The following ZNF114 variants were observed in gnomAD, a reference collection of about 807,000 sequenced individuals.
ZNF114 encodes zinc finger protein 114, also known as zinc finger protein 114 (Y18).
Under a neutral mutation model 6.8 loss-of-function variants are expected in ZNF114, and 8 were observed. The observed-to-expected ratio is 1.18, with a 90% confidence interval of 0.69 to 2.13. The LOEUF (loss-of-function observed/expected upper bound fraction) is 2.13, where lower values mean the gene tolerates loss of function less well. ZNF114 is among the 30% of genes most tolerant of loss of function. ZNF114 has a pLI of 0.00. For missense variants in ZNF114, 472 were observed against 519.5 expected, an observed-to-expected ratio of 0.91 and a Z score of 0.89; for synonymous variants, 169 against 185.5, an observed-to-expected ratio of 0.91 and a Z score of 0.72.
At chr19:48,274,663 T>G (rs1012130318) in intron 3 of ZNF114, among the ~76,000 whole-genome samples, 7 of 151,814 alleles carry the variant, frequency 4.6e-5, no homozygotes, top group African/African-American at 1.7e-4. Flanking sequence ...TGTGCCACCA[T>G]GCCGGGCTAA....
chr19:48,272,194 T>C (rs1287828802), intron 3 of ZNF114, among the ~76,000 whole-genome samples: 1 of 152,042 alleles, frequency 6.6e-6, no homozygotes. Context: ...GCGGATCACC[T>C]GAGGTCAGGA....
At chr19:48,283,298 A>G (rs1277962925) in intron 5 of ZNF114, among the ~76,000 whole-genome samples, 1 of 152,178 alleles carries the variant, frequency 6.6e-6, no homozygotes, top group Non-Finnish European at 1.5e-5. Flanking sequence ...GTTTTAGTGC[A>G]TTGATGAGAA....
At chr19:48,272,940 C>A (rs1967712900) in intron 3 of ZNF114, among the ~76,000 whole-genome samples, 1 of 151,788 alleles carries the variant, frequency 6.6e-6, no homozygotes, top group African/African-American at 2.4e-5. Flanking sequence ...GGACTACAGG[C>A]GCCCGCCACC....
chr19:48,282,261 C>A, intron 4 of ZNF114, 110 bp from the exon 5 acceptor site: 1 of 1,423,544 alleles, frequency 7.0e-7, no homozygotes. Context: ...GTCACCTTTG[C>A]AGGTACCAAG....
chr19:48,280,293 A>G (rs1295840480), intron 4 of ZNF114, among the ~76,000 whole-genome samples: 2 of 152,148 alleles, frequency 1.3e-5, no homozygotes, highest in Non-Finnish European at 2.9e-5. Flanking sequence ...CTGAGGTGAG[A>G]GAATCGCTTG....
chr19:48,280,078 AGAAAGGAGCT>A (rs1161306399), intron 4 of ZNF114, among the ~76,000 whole-genome samples: 1 of 152,176 alleles, frequency 6.6e-6, no homozygotes, highest in Non-Finnish European at 1.5e-5. Flanking sequence ...AAGCACACTA[AGAAAGGAGCT>A]GAAAGTGTCT....
intron 3 of ZNF114, among the ~76,000 whole-genome samples, chr19:48,277,639 C>T (rs1352102690): frequency 6.6e-6 from 1 of 152,176 alleles, no homozygotes; most frequent in Non-Finnish European, 1.5e-5. Context: ...CCTCCTAACG[C>T]GGTCTAGGGC....
In ZNF114 at chr19:48,282,516, T is replaced by A; in HGVS notation, c.136+19T>A. ...TTCATAGGTAAGGAGGCCCCCTTCC[T>A]GCACTTAGTCCGTGATGGGACCAGT... is the stretch of plus-strand genomic sequence containing the variant. On this transcript the variant is annotated intron_variant, in intron 5 of 5. Transcript: ENST00000595607. 6 of 1,602,174 alleles carry A rather than the reference T, an allele frequency of 3.7e-6. No individual in the cohort carries two copies. The highest frequency in any genetic ancestry group is 4.3e-6 in the Non-Finnish European group (5 of 1,171,460).
intron 5 of ZNF114, among the ~76,000 whole-genome samples, chr19:48,282,996 G>A (rs1234229666): frequency 2.0e-5 from 3 of 151,604 alleles, no homozygotes; most frequent in Non-Finnish European, 1.5e-5. Flanking sequence ...GATTACAGGC[G>A]TGAGCCACCA....
intron 3 of ZNF114, among the ~76,000 whole-genome samples, chr19:48,277,794 G>GGTGGGTGTGTGTGTGTGT (rs1555876488): frequency 1.9e-4 from 23 of 119,408 alleles, no homozygotes; most frequent in African/African-American, 6.5e-4. Flanking sequence ...GGAGGCATTG[G>GGTGGGTGTGTGTGTGTGT]GTGTGTGTGT....
Position 48,286,251 on chromosome 19 carries a change from T to C in ZNF114, c.627T>C (p.His209=), listed in dbSNP as rs1968125445. 4.3e-6 allele frequency: 7 copies of C among 1,614,014 alleles called. No individual in the cohort carries two copies. Among genetic ancestry groups the C allele is most frequent in the African/African-American group, 2.7e-5 (2 of 74,886 alleles). ...CTGGCAGTCAGAACACTGTGCATCA[T>C]ATACGTGATGAAATTGATACGGGGG... ...TWTGSQNTVH[H]IRDEIDTGAN... Residue 209 remains histidine (H), a synonymous_variant, in exon 6 of 6, where the codon CAT becomes CAC. Transcript: ENST00000595607.
At chr19:48,273,532 A>G (rs868348483) in intron 3 of ZNF114, among the ~76,000 whole-genome samples, 2 of 151,566 alleles carry the variant, frequency 1.3e-5, no homozygotes, top group African/African-American at 4.8e-5. Context: ...ATTCAGGGAA[A>G]CTTAAATTGA....
chr19:48,280,998 C>T (rs1600843277), intron 4 of ZNF114, among the ~76,000 whole-genome samples: 1 of 152,204 alleles, frequency 6.6e-6, no homozygotes, highest in East Asian at 1.9e-4. Context: ...TGAGACAGGG[C>T]CACAGGTGAT....
At chr19:48,275,162 AAG>A (rs1280700266) in intron 3 of ZNF114, among the ~76,000 whole-genome samples, 1 of 146,006 alleles carries the variant, frequency 6.8e-6, no homozygotes, top group Non-Finnish European at 1.5e-5. Context: ...GAAAGAGAGA[AAG>A]AGAGAGAGGA....
chr19:48,285,689 T>G (rs965840757), intron 5 of ZNF114, 72 bp from the exon 6 acceptor site: 1 of 1,475,062 alleles, frequency 6.8e-7, no homozygotes. Context: ...ACACGGAGAT[T>G]GCCTATGTCA....
intron 3 of ZNF114, among the ~76,000 whole-genome samples, chr19:48,277,797 GTGTGT>G (rs781617933): frequency 0.026 from 3,401 of 132,956 alleles, 168 homozygotes; most frequent in East Asian, 0.21. Flanking sequence ...GGCATTGGGT[GTGTGT>G]GTGTGTGTGT....
intron 3 of ZNF114, among the ~76,000 whole-genome samples, chr19:48,273,793 T>C (rs755911873): frequency 2.0e-5 from 3 of 147,252 alleles, no homozygotes; most frequent in Admixed American, 7.0e-5. Context: ...AGTCTCGCTC[T>C]GTCGCCCAGG....
chr19:48,287,007 ATGTG>A lies in ZNF114; in HGVS notation c.*130_*133del. On this transcript the variant is annotated 3_prime_UTR_variant, in exon 6 of 6. Transcript: ENST00000595607. Reference sequence around the variant, plus strand: ...CCCTGAACTCTCGTATCTTACAGAAATGTGAAAAAAAACCCTGTGAAGGTAAAGT... The same window carrying A: ...CCCTGAACTCTCGTATCTTACAGAAAAAAAAAAACCCTGTGAAGGTAAAGT... 3.0e-6 allele frequency: 3 copies of A among 1,007,230 alleles called. No homozygotes were observed. Among genetic ancestry groups the A allele is most frequent in the Non-Finnish European group, 2.7e-6 (2 of 732,776 alleles). The allele number at this position is 1,007,230 out of a possible 1,614,324, so 62.4% of individuals were successfully genotyped here.
At chr19:48,276,019 C>T (rs1256347906) in intron 3 of ZNF114, among the ~76,000 whole-genome samples, 1 of 147,312 alleles carries the variant, frequency 6.8e-6, no homozygotes, top group Non-Finnish European at 1.5e-5. Flanking sequence ...TGTCCCTGTA[C>T]AAGTCAAGCT....
Sources: gnomAD v4.1 joint callset for allele counts (sites outside exome capture counted in the v4.1 genomes callset) on GRCh38, gnomAD v4.1.1 for gene constraint, MANE v1.5 for transcripts, NCBI Gene and HGNC (gene_info 2026-07-23, HGNC 2026-07-21) for gene names.